Variants in CUEDC1 observed in about 807,000 individuals in gnomAD.
CUEDC1 encodes the protein CUE domain-containing protein 1.
In CUEDC1, 30 loss-of-function variants were observed where a neutral mutation model predicts 43.7. The observed-to-expected ratio is 0.69, with a 90% CI of 0.51 to 0.93. The LOEUF (loss-of-function observed/expected upper bound fraction) is 0.93. Among genes scored for constraint, CUEDC1 ranks in the 40% least tolerant of loss-of-function variants. The pLI, the probability that CUEDC1 is intolerant of heterozygous loss-of-function variation, is 0.00. For synonymous variants in CUEDC1, 223 were observed against 223.6 expected (o/e 1.00, Z 0.02); for missense variants, 486 against 549.0 (o/e 0.89, Z 1.15).
At chr17:57,896,897 G>A (rs1008183685) in intron 1 of CUEDC1, among the ~76,000 whole-genome samples, 2 of 150,324 alleles carry the variant, frequency 1.3e-5, no homozygotes, top group African/African-American at 4.9e-5. Flanking sequence ...AGCCTCCAGA[G>A]TAGCTGAGAC....
chr17:57,880,083 G>A (rs1343375976), intron 2 of CUEDC1, among the ~76,000 whole-genome samples: 1 of 152,158 alleles, frequency 6.6e-6, no homozygotes, highest in African/African-American at 2.4e-5. Context: ...TGTGGAGCGG[G>A]TAAGGGTGGG....
In CUEDC1 at chr17:57,937,826, G is replaced by C. The variant is rs147715070; in HGVS notation, c.-316+17399C>G. Among the ~76,000 whole-genome samples, 26 of 152,216 alleles carry C rather than the reference G, an allele frequency of 1.7e-4. No individual in the cohort carries two copies. In the East Asian group the frequency reaches 3.5e-3, roughly 20 times the overall value. On this transcript the variant is annotated intron_variant, in intron 1 of 10. Transcript: ENST00000577830. ...GGAAGCTGAGGTGGGAAAACCCCTT[G>C]AGCCCAGGGGATCCAGGCTGCAGTG...
At chr17:57,904,214 G>A (rs1202708377) in intron 1 of CUEDC1, among the ~76,000 whole-genome samples, 3 of 152,080 alleles carry the variant, frequency 2.0e-5, no homozygotes, top group Non-Finnish European at 2.9e-5. Context: ...CTCCAACCAT[G>A]CAGCTGTCCT....
At chr17:57,890,965 G>A (rs113331946) in intron 1 of CUEDC1, among the ~76,000 whole-genome samples, 6 of 152,178 alleles carry the variant, frequency 3.9e-5, no homozygotes, top group South Asian at 2.1e-4. Flanking sequence ...TTAATAGAAC[G>A]TACATGGGTA....
chr17:57,911,035 C>T (rs545289635), intron 1 of CUEDC1, among the ~76,000 whole-genome samples: 2 of 152,272 alleles, frequency 1.3e-5, no homozygotes, highest in East Asian at 3.9e-4. Context: ...AGGTCCCCTC[C>T]GAACTCCTCA....
intron 1 of CUEDC1, among the ~76,000 whole-genome samples, chr17:57,926,631 T>C (rs2074749868): frequency 6.6e-6 from 1 of 152,174 alleles, no homozygotes; most frequent in Non-Finnish European, 1.5e-5. Context: ...TGTCTCTATT[T>C]ACAAATTTTA....
At chr17:57,884,216 G>C (rs1270413447) in intron 2 of CUEDC1, among the ~76,000 whole-genome samples, 2 of 44,536 alleles carry the variant, frequency 4.5e-5, no homozygotes, top group Non-Finnish European at 8.8e-5. Context: ...TTTTTTTTTT[G>C]AGACGGAGCC....
intron 1 of CUEDC1, among the ~76,000 whole-genome samples, chr17:57,926,725 A>G (rs140617424): frequency 7.1e-4 from 108 of 152,374 alleles, no homozygotes; most frequent in Non-Finnish European, 1.3e-3. Context: ...TATAAAGTGA[A>G]GGCATTTTGC....
Position 57,871,320 on chromosome 17 carries a change from G to A in CUEDC1, c.834C>T (p.Val278=), listed in dbSNP as rs201699974. 6 of 1,614,046 alleles carry A rather than the reference G, an allele frequency of 3.7e-6. No individual in the cohort carries two copies. Among genetic ancestry groups the A allele is most frequent in the East Asian group, 2.2e-5 (1 of 44,884 alleles). The change falls in exon 6 of 11, where the codon GTC becomes GTT. Residue 278 remains valine, a synonymous_variant. Transcript: ENST00000577830. The part of the protein sequence containing the change: ...SQKSKSSSVA[V]GNDFGFSSPV... ...GAGAGGAAAAGCCAAAGTCGTTTCC[G>A]ACAGCCACGCTGCTGGATTTAGATT...
intron 8 of CUEDC1, 53 bp downstream of exon 8, chr17:57,868,097 T>C: frequency 6.8e-7 from 1 of 1,474,868 alleles, no homozygotes; most frequent in Non-Finnish European, 9.5e-7. Flanking sequence ...GGGGTCTTGC[T>C]CCATGGCCCT....
At chr17:57,878,778 T>C (rs957144210) in intron 3 of CUEDC1, among the ~76,000 whole-genome samples, 2 of 152,170 alleles carry the variant, frequency 1.3e-5, no homozygotes, top group Non-Finnish European at 2.9e-5. Flanking sequence ...GCGGTTCTCC[T>C]GCCTCAGCCT....
At chr17:57,944,999 T>C (rs932830997) in intron 1 of CUEDC1, among the ~76,000 whole-genome samples, 1 of 152,154 alleles carries the variant, frequency 6.6e-6, no homozygotes, top group Admixed American at 6.5e-5. Context: ...CAACAATGTT[T>C]CAGACAAAAA....
intron 6 of CUEDC1, among the ~76,000 whole-genome samples, chr17:57,870,870 G>A (rs1043320341): frequency 6.6e-6 from 1 of 151,924 alleles, no homozygotes; most frequent in South Asian, 2.1e-4. Context: ...GGTAGAGATA[G>A]GGGGGTCTCA....
At chr17:57,898,251 T>G (rs923796688) in intron 1 of CUEDC1, among the ~76,000 whole-genome samples, 4 of 152,178 alleles carry the variant, frequency 2.6e-5, no homozygotes, top group Non-Finnish European at 5.9e-5. Context: ...GACAAAGTGC[T>G]GGCTCATAGC....
At chr17:57,925,672 G>A (rs980974769) in intron 1 of CUEDC1, among the ~76,000 whole-genome samples, 7 of 152,174 alleles carry the variant, frequency 4.6e-5, no homozygotes, top group Admixed American at 2.0e-4. Flanking sequence ...ATATAAAAGA[G>A]ATAAGCTTCA....
intron 6 of CUEDC1, among the ~76,000 whole-genome samples, chr17:57,870,701 G>GTTTTTCTT (rs2074022792): frequency 6.6e-6 from 1 of 150,704 alleles, no homozygotes; most frequent in African/African-American, 2.5e-5. Flanking sequence ...TTTGGAGACA[G>GTTTTTCTT]GGTCTCACTC....
At chr17:57,918,457 C>T (rs1382509600) in intron 1 of CUEDC1, among the ~76,000 whole-genome samples, 2 of 152,244 alleles carry the variant, frequency 1.3e-5, no homozygotes, top group Non-Finnish European at 2.9e-5. Flanking sequence ...CGGAAGAATG[C>T]AGCCCTCATG....
chr17:57,945,129 T>G (rs1037492977), intron 1 of CUEDC1, among the ~76,000 whole-genome samples: 2 of 152,172 alleles, frequency 1.3e-5, no homozygotes, highest in African/African-American at 4.8e-5. Context: ...AGCCTATATA[T>G]TTTTTTCAAA....
At chr17:57,931,804 C>T (rs538835678) in intron 1 of CUEDC1, among the ~76,000 whole-genome samples, 2 of 152,264 alleles carry the variant, frequency 1.3e-5, no homozygotes, top group Admixed American at 1.3e-4. Context: ...GGCTGAAAAG[C>T]CTCCTCTGGA....
Sources: allele counts gnomAD v4.1 joint callset (sites outside exome capture counted in the v4.1 genomes callset), GRCh38; gene constraint gnomAD v4.1.1; transcripts MANE v1.5; gene names NCBI Gene and HGNC (gene_info 2026-07-23, HGNC 2026-07-21).